CCDC57: variants seen among roughly 807,000 people sequenced by gnomAD.
CCDC57 encodes coiled-coil domain containing 57.
Under a neutral mutation model 118.9 loss-of-function variants are expected in CCDC57, and 118 were observed. The ratio of observed to expected loss-of-function variants is 0.99; its 90% CI spans 0.86 to 1.16. The LOEUF is 1.16. CCDC57 is among the 50% of genes most tolerant of loss of function. The probability of loss-of-function intolerance (pLI) is 0.00; values close to 1 mark genes in which losing one functional copy is unlikely to be tolerated. For synonymous variants in CCDC57, 527 were observed against 532.9 expected, an observed-to-expected ratio of 0.99 and a Z score of 0.15; for missense variants, 1,300 against 1,320.7, an observed-to-expected ratio of 0.98 and a Z score of 0.24.
chr17:82,163,608 C>T (rs1052763356), intron 13 of CCDC57, among the ~76,000 whole-genome samples: 2 of 152,108 alleles, frequency 1.3e-5, no homozygotes, highest in African/African-American at 2.4e-5. Context: ...GACCTTACCA[C>T]GTAATGTCTG....
At chr17:82,166,839 C>T (rs2044046679) in intron 13 of CCDC57, among the ~76,000 whole-genome samples, 2 of 151,900 alleles carry the variant, frequency 1.3e-5, no homozygotes, top group South Asian at 2.1e-4. Flanking sequence ...TCCCTTGAGC[C>T]CAGGGGGTCA....
At chr17:82,114,345 G>C (rs76967926) in intron 19 of CCDC57, among the ~76,000 whole-genome samples, 1,540 of 152,330 alleles carry the variant, frequency 0.01, 24 homozygotes, top group African/African-American at 0.035. Flanking sequence ...GCTGGGTGAG[G>C]GGGGAGGGAC....
intron 19 of CCDC57, chr17:82,126,578 G>A (rs958736038): frequency 3.0e-6 from 3 of 985,190 alleles, no homozygotes; most frequent in Non-Finnish European, 3.6e-6. Flanking sequence ...CAGAGGCGCT[G>A]ATGCCAATCC....
chr17:82,102,408 T>C (rs955805817), intron 19 of CCDC57, among the ~76,000 whole-genome samples: 7 of 152,252 alleles, frequency 4.6e-5, no homozygotes, highest in Admixed American at 3.9e-4. Context: ...AGGAGTGCGC[T>C]ACACACAGAG....
intron 11 of CCDC57, among the ~76,000 whole-genome samples, chr17:82,176,644 T>C (rs2045540723): frequency 6.6e-6 from 1 of 152,156 alleles, no homozygotes; most frequent in Non-Finnish European, 1.5e-5. Context: ...CCCTATGTAC[T>C]CTTGTCTCAT....
chr17:82,122,801 A>G (rs2036897843), intron 19 of CCDC57, among the ~76,000 whole-genome samples: 1 of 152,008 alleles, frequency 6.6e-6, no homozygotes, highest in African/African-American at 2.4e-5. Context: ...GAGTCATCCC[A>G]TTTCCCACTG....
intron 8 of CCDC57, among the ~76,000 whole-genome samples, chr17:82,187,005 G>A (rs915471809): frequency 8.5e-5 from 13 of 152,120 alleles, no homozygotes; most frequent in African/African-American, 1.9e-4. Context: ...TTGGGAGGCC[G>A]AGGCAGGGGG....
At chr17:82,161,091 C>T (rs527304711) in intron 14 of CCDC57, among the ~76,000 whole-genome samples, 6 of 152,088 alleles carry the variant, frequency 3.9e-5, no homozygotes, top group African/African-American at 9.7e-5. Flanking sequence ...CTGACCAAGA[C>T]GCACATGAGA....
rs1013338041 is a variant in CCDC57, at chr17:82,118,362, C to T, written c.2899+9330G>A. 2.6e-5 allele frequency among the ~76,000 whole-genome samples: 4 copies of T among 152,086 alleles called. No homozygotes were observed. The highest frequency in any genetic ancestry group is 4.8e-5 in the African/African-American group (2 of 41,398). On this transcript the variant is annotated intron_variant, in intron 19 of 19. Coordinates refer to ENST00000665763, the Ensembl canonical transcript of CCDC57. This position sits in a 1 kb window ranked among gnomAD's most constrained non-coding sequence, Gnocchi z 4.7. ...GACTGAAACCCGATGTGGGTGTTATCCATTAGCGCAGGACTGAAACCTGAT... is the reference window on the plus strand; with the variant it reads ...GACTGAAACCCGATGTGGGTGTTATTCATTAGCGCAGGACTGAAACCTGAT...
rs558172200 is a variant in CCDC57, at chr17:82,116,449, C to A, written c.2899+11243G>T. Among the ~76,000 whole-genome samples the A allele has an allele frequency of 3.9e-5, 6 of 152,248 alleles. No individual in the cohort carries two copies. In the South Asian group the frequency reaches 8.3e-4, roughly 21 times the overall value. On this transcript the variant is annotated intron_variant, in intron 19 of 19. Transcript: ENST00000665763. ...CCAATCTTGATGAGGCTCTACATGG[C>A]GGCCCTACCCACTTCTCCTATGCAG...
chr17:82,122,989 C>A (rs892235393), intron 19 of CCDC57, among the ~76,000 whole-genome samples: 1 of 152,184 alleles, frequency 6.6e-6, no homozygotes, highest in African/African-American at 2.4e-5. Context: ...CTACTACCCC[C>A]CTGAGACCAC....
chr17:82,127,254 C>T, intron 19 of CCDC57: 18 of 985,324 alleles, frequency 1.8e-5, no homozygotes, highest in Non-Finnish European at 2.2e-5. Flanking sequence ...TGGGGTCGGC[C>T]TGGCTCTTCC....
chr17:82,159,308 T>C (rs1205969869), intron 14 of CCDC57, among the ~76,000 whole-genome samples: 2 of 152,200 alleles, frequency 1.3e-5, no homozygotes, highest in Non-Finnish European at 2.9e-5. Flanking sequence ...CTAAAAGCTG[T>C]ATTTAAATGT....
At chr17:82,137,834 T>C (rs770966978) in intron 16 of CCDC57, among the ~76,000 whole-genome samples, 83 of 151,280 alleles carry the variant, frequency 5.5e-4, no homozygotes, top group Non-Finnish European at 1.0e-3. Flanking sequence ...CCACCATGCC[T>C]GGCTAATTTT....
intron 17 of CCDC57, among the ~76,000 whole-genome samples, chr17:82,132,265 G>C (rs1013906744): frequency 6.6e-6 from 1 of 152,042 alleles, no homozygotes; most frequent in Non-Finnish European, 1.5e-5. Context: ...ACCATTTCAG[G>C]AACAGACAAC....
rs537798683 is a variant in CCDC57, at chr17:82,212,086, G to T, written c.-211+699C>A. On this transcript the variant is annotated intron_variant, in intron 1 of 19. Coordinates refer to ENST00000665763, the Ensembl canonical transcript of CCDC57. The surrounding 1 kb of genome is among the most constrained non-coding windows in gnomAD (Gnocchi z 4.1). ...TTCTTCGGGGCCGAGGGAATTTGCA[G>T]CTCTAGCAGTCTGTCAGTCGCTGGC... 1.3e-5 allele frequency among the ~76,000 whole-genome samples: 2 copies of T among 152,322 alleles called. No homozygotes were observed. The highest frequency in any genetic ancestry group is 3.9e-4 in the East Asian group (2 of 5,186).
At chr17:82,196,465 TGGAC>T (rs1044263796) in intron 4 of CCDC57, among the ~76,000 whole-genome samples, 3 of 152,198 alleles carry the variant, frequency 2.0e-5, no homozygotes, top group African/African-American at 7.2e-5. Flanking sequence ...CGGGGACAAC[TGGAC>T]AGTCCACAGG....
intron 2 of CCDC57, among the ~76,000 whole-genome samples, chr17:82,205,344 T>C (rs1196855407): frequency 6.6e-6 from 1 of 152,140 alleles, no homozygotes; most frequent in Non-Finnish European, 1.5e-5. Context: ...CCTTAACTCA[T>C]TGGTCGCAGC....
intron 2 of CCDC57, among the ~76,000 whole-genome samples, chr17:82,206,419 T>C (rs2049651145): frequency 6.6e-6 from 1 of 152,204 alleles, no homozygotes; most frequent in Admixed American, 6.5e-5. Flanking sequence ...CACTCTCACC[T>C]GACTTTCCAT....
Sources: allele counts gnomAD v4.1 joint callset (sites outside exome capture counted in the v4.1 genomes callset), GRCh38; gene constraint gnomAD v4.1.1; non-coding constraint Gnocchi (gnomAD v3.1); transcripts MANE v1.5; gene names NCBI Gene and HGNC (gene_info 2026-07-23, HGNC 2026-07-21).